PTPRD: variants seen among roughly 807,000 people sequenced by gnomAD.
The protein encoded by PTPRD is protein tyrosine phosphatase receptor type D.
PTPRD carries 34 observed loss-of-function variants against 214.5 expected under a neutral mutation model. That is an observed-to-expected ratio of 0.16 (90% CI 0.12 to 0.21). The LOEUF is 0.21. Among genes scored for constraint, PTPRD ranks in the 10% least tolerant of loss-of-function variants. PTPRD has a pLI of 1.00. For missense variants in PTPRD, 2,545 were observed against 2,398.7 expected, an observed-to-expected ratio of 1.06 and a Z score of -1.27; for synonymous variants, 1,128 against 845.7, an observed-to-expected ratio of 1.33 and a Z score of -5.79.
Position 8,934,520 on chromosome 9 carries a change from A to AATATATATATAT in PTPRD, c.-104+84165_-104+84176dup, listed in dbSNP as rs60438547. 1.8e-4 allele frequency among the ~76,000 whole-genome samples: 3 copies of AATATATATATAT among 17,076 alleles called. 1 individual carries two copies. Among genetic ancestry groups the AATATATATATAT allele is most frequent in the East Asian group, 5.1e-3 (2 of 392 alleles). The allele number at this position is 17,076 out of a possible 152,430, so 11.2% of individuals were successfully genotyped here. On this transcript the variant is annotated intron_variant, in intron 11 of 45. Coordinates refer to ENST00000381196, the MANE Select transcript of PTPRD (RefSeq NM_002839.4). Reference sequence around the variant, plus strand: ...ATATATATATAAATATATATATATAAATATATATATATATGGGAAACCATA... The same window carrying AATATATATATAT: ...ATATATATATAAATATATATATATAAATATATATATATATATATATATATATGGGAAACCATA...
At chr9:8,734,080 C>G (rs1285701000) in intron 11 of PTPRD, 134 bp from the exon 12 acceptor site, 3 of 559,034 alleles carry the variant, frequency 5.4e-6, no homozygotes, top group Non-Finnish European at 9.6e-6. Flanking sequence ...TAAATTGTAA[C>G]TGTCATACTT....
intron 2 of PTPRD, among the ~76,000 whole-genome samples, chr9:10,540,618 T>C (rs2058895981): frequency 6.6e-6 from 1 of 152,224 alleles, no homozygotes; most frequent in South Asian, 2.1e-4. Flanking sequence ...GTAACTTATA[T>C]TAATGTTACA....
intron 9 of PTPRD, among the ~76,000 whole-genome samples, chr9:9,227,974 A>G (rs188069377): frequency 5.9e-5 from 9 of 152,302 alleles, no homozygotes; most frequent in Admixed American, 4.6e-4. Flanking sequence ...AGTGATAGAT[A>G]GATAAGTAAT....
chr9:10,485,450 T>G (rs548893862), intron 2 of PTPRD, among the ~76,000 whole-genome samples: 15 of 152,232 alleles, frequency 9.9e-5, no homozygotes, highest in African/African-American at 3.4e-4. Flanking sequence ...TTACTATGGG[T>G]TGTATGGACA....
chr9:10,288,504 C>A (rs1293195186), intron 3 of PTPRD, among the ~76,000 whole-genome samples: 1 of 152,020 alleles, frequency 6.6e-6, no homozygotes, highest in Admixed American at 6.6e-5. Context: ...ACTTATAGGT[C>A]AAGTATAGCA....
intron 11 of PTPRD, among the ~76,000 whole-genome samples, chr9:8,786,033 TTGTGTGTGTG>T (rs34200290): frequency 1.7e-4 from 24 of 143,224 alleles, no homozygotes; most frequent in Admixed American, 7.6e-4. Context: ...GCTTAATTTG[TTGTGTGTGTG>T]TGTGTGTGTG....
At position 10,523,622 on chromosome 9, in the gene PTPRD, T is replaced by TATAGAGAGAGAGAGAGAGAGAG. The variant is rs554367559; in HGVS notation, c.-600+88775_-600+88776insCTCTCTCTCTCTCTCTCTCTAT. ...ATCTGTATATATATATATATATATA[T>TATAGAGAGAGAGAGAGAGAGAG]AGACAGAAAGAAAGGGAGAGAGAGA... On this transcript the variant is annotated intron_variant, in intron 2 of 45. Coordinates refer to ENST00000381196, the MANE Select transcript of PTPRD (RefSeq NM_002839.4). Among the ~76,000 whole-genome samples, 6 of 131,382 alleles carry TATAGAGAGAGAGAGAGAGAGAG rather than the reference T, an allele frequency of 4.6e-5. 1 individual carries two copies. Among genetic ancestry groups the TATAGAGAGAGAGAGAGAGAGAG allele is most frequent in the Non-Finnish European group, 9.7e-5 (6 of 61,936 alleles). The allele number at this position is 131,382 out of a possible 152,430, so 86.2% of individuals were successfully genotyped here. A position where few individuals can be genotyped will look rare whatever the true frequency, so the allele number is the denominator to read the frequency against.
chr9:9,624,325 C>T (rs921547701), intron 7 of PTPRD, among the ~76,000 whole-genome samples: 15 of 152,100 alleles, frequency 9.9e-5, no homozygotes, highest in Admixed American at 9.2e-4. Flanking sequence ...CTCTGTCACC[C>T]AGGCTGGAGT....
At chr9:9,561,715 G>C (rs1336596658) in intron 8 of PTPRD, among the ~76,000 whole-genome samples, 1 of 152,122 alleles carries the variant, frequency 6.6e-6, no homozygotes, top group Non-Finnish European at 1.5e-5. Flanking sequence ...CATCCGTGTT[G>C]GTAAAAATCT....
At chr9:9,707,074 T>C (rs1308542967) in intron 7 of PTPRD, among the ~76,000 whole-genome samples, 1 of 152,170 alleles carries the variant, frequency 6.6e-6, no homozygotes, top group Non-Finnish European at 1.5e-5. Context: ...GATGTCCTTT[T>C]TATTAAAATT....
At chr9:10,049,090 G>A (rs987608080) in intron 3 of PTPRD, among the ~76,000 whole-genome samples, 5 of 152,068 alleles carry the variant, frequency 3.3e-5, no homozygotes, top group Non-Finnish European at 5.9e-5. Flanking sequence ...TAAAAGAAAT[G>A]AGAAAAGCAG....
chr9:9,068,692 G>C (rs478501), intron 10 of PTPRD, among the ~76,000 whole-genome samples: 1 of 151,880 alleles, frequency 6.6e-6, no homozygotes, highest in Admixed American at 6.6e-5. Context: ...GCTCACTGCA[G>C]TCTCCGTCTC....
chr9:9,920,524 T>G (rs1158759678), intron 5 of PTPRD, among the ~76,000 whole-genome samples: 5 of 152,122 alleles, frequency 3.3e-5, no homozygotes. Flanking sequence ...TTTGTCCTTG[T>G]GGTACTGTTT....
intron 2 of PTPRD, among the ~76,000 whole-genome samples, chr9:10,589,893 G>C (rs1005570492): frequency 6.6e-6 from 1 of 152,064 alleles, no homozygotes; most frequent in Admixed American, 6.6e-5. Context: ...AGAAGGCTAA[G>C]AAATGCATAA....
intron 2 of PTPRD, among the ~76,000 whole-genome samples, chr9:10,363,949 C>T (rs1241756634): frequency 6.8e-6 from 1 of 147,948 alleles, no homozygotes; most frequent in Non-Finnish European, 1.5e-5. Flanking sequence ...GGCATAACTT[C>T]CCAATCAATA....
In PTPRD at chr9:9,204,388, A is replaced by G. The variant is rs190157665; in HGVS notation, c.-202-21025T>C. Among the ~76,000 whole-genome samples, 35 of 152,276 alleles carry G rather than the reference A, an allele frequency of 2.3e-4. No individual in the cohort carries two copies. The East Asian group carries it at 6.2e-3, about 27-fold the overall frequency. On this transcript the variant is annotated intron_variant, in intron 9 of 45. Coordinates refer to ENST00000381196, the MANE Select transcript of PTPRD (RefSeq NM_002839.4). ...ATCACAAAATCAAGTTCATAAATTAATGGATGATGTTAATCTACTATTAAG... is the reference window on the plus strand; with the variant it reads ...ATCACAAAATCAAGTTCATAAATTAGTGGATGATGTTAATCTACTATTAAG...
chr9:8,412,749 G>A (rs570630704), intron 35 of PTPRD, among the ~76,000 whole-genome samples: 1 of 152,122 alleles, frequency 6.6e-6, no homozygotes, highest in Non-Finnish European at 1.5e-5. Flanking sequence ...TGAGGCAACT[G>A]CTCAATTTAA....
chr9:9,323,477 G>C (rs1341341568), intron 9 of PTPRD, among the ~76,000 whole-genome samples: 1 of 152,104 alleles, frequency 6.6e-6, no homozygotes, highest in Admixed American at 6.5e-5. Context: ...TGTCGACCAG[G>C]TCGTCTAACT....
At chr9:10,091,691 A>G (rs2098433654) in intron 3 of PTPRD, among the ~76,000 whole-genome samples, 1 of 151,406 alleles carries the variant, frequency 6.6e-6, no homozygotes, top group African/African-American at 2.4e-5. Flanking sequence ...TTTCTTGCAA[A>G]GGTTAGAAAG....
Sources: allele counts gnomAD v4.1 joint callset (sites outside exome capture counted in the v4.1 genomes callset), GRCh38; gene constraint gnomAD v4.1.1; transcripts MANE v1.5; gene names NCBI Gene and HGNC (gene_info 2026-07-23, HGNC 2026-07-21).